The following TRABD2B variants were observed in gnomAD, a reference collection of about 807,000 sequenced individuals.
TRABD2B encodes metalloprotease TIKI2.
A neutral mutation model predicts 40.1 loss-of-function variants in TRABD2B; 14 were observed. The ratio of observed to expected loss-of-function variants is 0.35; its 90% confidence interval spans 0.23 to 0.55. The LOEUF is 0.55. Among genes scored for constraint, TRABD2B ranks in the 20% least tolerant of loss-of-function variants. TRABD2B has a pLI of 0.90. For missense variants in TRABD2B, 541 were observed against 648.6 expected (o/e 0.83, Z 1.80); for synonymous variants, 263 against 277.0 (o/e 0.95, Z 0.50).
At chr1:47,891,745 T>C (rs1259482419) in intron 2 of TRABD2B, among the ~76,000 whole-genome samples, 1 of 151,886 alleles carries the variant, frequency 6.6e-6, no homozygotes, top group African/African-American at 2.4e-5. Context: ...GAGGCTACAG[T>C]GCACTGAGAT....
intron 2 of TRABD2B, among the ~76,000 whole-genome samples, chr1:47,815,845 A>AGCTAGC (rs1553154091): frequency 4.7e-4 from 60 of 127,290 alleles, no homozygotes; most frequent in African/African-American, 1.5e-3. Context: ...AGATAGATAG[A>AGCTAGC]TAGATAGAAA....
At chr1:47,922,767 C>G (rs1344590092) in intron 2 of TRABD2B, among the ~76,000 whole-genome samples, 2 of 152,338 alleles carry the variant, frequency 1.3e-5, no homozygotes, top group East Asian at 3.9e-4. Flanking sequence ...CCCTGGAAAT[C>G]TAGACTTATT....
chr1:47,810,869 G>A (rs1454400837), intron 2 of TRABD2B, among the ~76,000 whole-genome samples: 2 of 152,228 alleles, frequency 1.3e-5, no homozygotes, highest in African/African-American at 4.8e-5. Flanking sequence ...CAGGGAAGGA[G>A]GAGAAGGGTG....
At chr1:47,883,920 C>G (rs1023430058) in intron 2 of TRABD2B, among the ~76,000 whole-genome samples, 2 of 152,198 alleles carry the variant, frequency 1.3e-5, no homozygotes, top group African/African-American at 4.8e-5. Context: ...GTTCCTGAGC[C>G]ATGATCTCTC....
intron 2 of TRABD2B, among the ~76,000 whole-genome samples, chr1:47,989,468 T>C (rs1223855513): frequency 6.6e-6 from 1 of 152,172 alleles, no homozygotes; most frequent in African/African-American, 2.4e-5. Context: ...CCCGCCAGGG[T>C]GTAGACATAG....
chr1:47,988,207 CA>C (rs1645948480), intron 2 of TRABD2B, among the ~76,000 whole-genome samples: 1 of 152,028 alleles, frequency 6.6e-6, no homozygotes, highest in Non-Finnish European at 1.5e-5. Flanking sequence ...AGCATACAAC[CA>C]AAAGGGGAAG....
intron 2 of TRABD2B, among the ~76,000 whole-genome samples, chr1:47,933,765 T>G (rs1436570778): frequency 1.3e-5 from 2 of 152,184 alleles, no homozygotes; most frequent in Non-Finnish European, 2.9e-5. Flanking sequence ...ACACAGTGAG[T>G]ATCTGCTGAA....
At chr1:47,804,257 A>G (rs548503774) in intron 2 of TRABD2B, among the ~76,000 whole-genome samples, 1 of 152,282 alleles carries the variant, frequency 6.6e-6, no homozygotes, top group African/African-American at 2.4e-5. Flanking sequence ...ATATGTAGCC[A>G]TCTGGTGCAG....
Position 47,923,915 on chromosome 1 carries a change from TACACACACACACACACACACAC to T in TRABD2B, c.666+70097_666+70118del, listed in dbSNP as rs60288001. Among the ~76,000 whole-genome samples the T allele has an allele frequency of 2.2e-3, 289 of 132,614 alleles. 1 individual carries two copies. Among genetic ancestry groups the T allele is most frequent in the African/African-American group, 5.8e-3 (207 of 35,998 alleles). 87.0% of individuals were successfully genotyped at this position (132,614 alleles called of 152,430 possible). A position where few individuals can be genotyped will look rare whatever the true frequency, so the allele number is the denominator to read the frequency against. On this transcript the variant is annotated intron_variant, in intron 2 of 6. Coordinates refer to ENST00000606738, the MANE Select transcript of TRABD2B (RefSeq NM_001194986.2). ...CTCACTCTCTACACACATACACACATACACACACACACACACACACACACACACACACACACACACACACACA... is the reference window on the plus strand; with the variant it reads ...CTCACTCTCTACACACATACACACATACACACACACACACACACACACACA...
intron 6 of TRABD2B, among the ~76,000 whole-genome samples, chr1:47,768,797 C>T (rs184941214): frequency 1.2e-3 from 176 of 152,350 alleles, no homozygotes; most frequent in African/African-American, 3.7e-3. Flanking sequence ...ACACCTTCCA[C>T]TTATAGAGCA....
chr1:47,996,559 G>T lies in TRABD2B; in HGVS notation c.102+129C>A. On this transcript the variant is annotated intron_variant, in intron 1 of 6. Transcript: ENST00000606738. The surrounding 1 kb of genome is among the most constrained non-coding windows in gnomAD (Gnocchi z 4.6). ...GCAGGAGCGAAGGAAGGGCGCCCGA[G>T]GCTGCGCCCGGGGGGTGGAGGTGGA... The T allele has an allele frequency of 9.2e-7, 1 of 1,091,988 alleles. No individual in the cohort carries two copies. The highest frequency in any genetic ancestry group is 1.1e-6 in the Non-Finnish European group (1 of 875,512). 67.6% of individuals were successfully genotyped at this position (1,091,988 alleles called of 1,614,324 possible). A position where few individuals can be genotyped will look rare whatever the true frequency, so the allele number is the denominator to read the frequency against.
chr1:47,901,877 G>T (rs1052847129), intron 2 of TRABD2B, among the ~76,000 whole-genome samples: 20 of 152,216 alleles, frequency 1.3e-4, no homozygotes, highest in Non-Finnish European at 1.3e-4. Context: ...AATCAGAGAA[G>T]GCCTCACAGA....
chr1:47,873,420 G>A lies in TRABD2B; in HGVS notation c.667-71801C>T, dbSNP rs567744386. Among the ~76,000 whole-genome samples the A allele has an allele frequency of 3.3e-5, 5 of 152,278 alleles. No homozygotes were observed. In the South Asian group the frequency reaches 8.3e-4, roughly 25 times the overall value. Reference sequence around the variant, plus strand: ...CTCTCTTTACCAAATTTATGGGGTGGATATATCCATTTCTGGCTCACTGTC... The same window carrying A: ...CTCTCTTTACCAAATTTATGGGGTGAATATATCCATTTCTGGCTCACTGTC... On this transcript the variant is annotated intron_variant, in intron 2 of 6. Transcript: ENST00000606738.
At chr1:47,795,354 C>T (rs1055123778) in intron 3 of TRABD2B, among the ~76,000 whole-genome samples, 5 of 152,214 alleles carry the variant, frequency 3.3e-5, no homozygotes, top group Non-Finnish European at 5.9e-5. Flanking sequence ...CCCTGCTGAA[C>T]CTCAGCAGAT....
chr1:47,935,173 C>A (rs1401221261), intron 2 of TRABD2B, among the ~76,000 whole-genome samples: 1 of 152,192 alleles, frequency 6.6e-6, no homozygotes, highest in Non-Finnish European at 1.5e-5. Flanking sequence ...TTACTGAGGG[C>A]TTCCTCTTTG....
chr1:47,963,198 A>G (rs1408983336), intron 2 of TRABD2B, among the ~76,000 whole-genome samples: 1 of 152,258 alleles, frequency 6.6e-6, no homozygotes, highest in African/African-American at 2.4e-5. Flanking sequence ...GGTTTCTGGA[A>G]GCAGGGACCA....
At chr1:47,881,512 C>T (rs958696943) in intron 2 of TRABD2B, among the ~76,000 whole-genome samples, 5 of 152,138 alleles carry the variant, frequency 3.3e-5, no homozygotes, top group Admixed American at 6.5e-5. Context: ...CTATTGTTAC[C>T]GCACTTTACA....
intron 1 of TRABD2B, among the ~76,000 whole-genome samples, chr1:47,995,063 G>A (rs1646070631): frequency 6.6e-6 from 1 of 152,164 alleles, no homozygotes. Context: ...TGCGGAGGGT[G>A]GGGAAAGGAG....
intron 3 of TRABD2B, among the ~76,000 whole-genome samples, chr1:47,797,035 G>A (rs981457422): frequency 1.3e-5 from 2 of 152,216 alleles, no homozygotes; most frequent in African/African-American, 4.8e-5. Flanking sequence ...TGAGTGAGCT[G>A]AGGGGCCTTA....
Sources: allele counts gnomAD v4.1 joint callset (sites outside exome capture counted in the v4.1 genomes callset), GRCh38; gene constraint gnomAD v4.1.1; non-coding constraint Gnocchi (gnomAD v3.1); transcripts MANE v1.5; gene names NCBI Gene and HGNC (gene_info 2026-07-23, HGNC 2026-07-21).